Variants in LHFPL1 observed in about 807,000 individuals in gnomAD.
The protein encoded by LHFPL1 is LHFPL tetraspan subfamily member 1 protein.
Under a neutral mutation model 12.1 loss-of-function variants are expected in LHFPL1, and 4 were observed. The ratio of observed to expected loss-of-function variants is 0.33; its 90% CI spans 0.16 to 0.76. LHFPL1 has a LOEUF of 0.76. Among genes scored for constraint, LHFPL1 ranks in the 30% least tolerant of loss-of-function variants. LHFPL1 has a pLI of 0.61. For missense variants in LHFPL1, 141 were observed against 174.1 expected, an observed-to-expected ratio of 0.81 and a Z score of 1.07; for synonymous variants, 52 against 61.9, an observed-to-expected ratio of 0.84 and a Z score of 0.75.
chrX:112,651,162 C>G (rs1376108041), intron 3 of LHFPL1, among the ~76,000 whole-genome samples: 1 of 111,894 alleles, frequency 8.9e-6, no homozygotes, highest in Non-Finnish European at 1.9e-5. Context: ...AGACTGGGCT[C>G]TCTTCTCTTC....
intron 3 of LHFPL1, among the ~76,000 whole-genome samples, chrX:112,649,107 T>G (rs961415743): frequency 1.4e-4 from 16 of 112,390 alleles, no homozygotes; most frequent in African/African-American, 5.2e-4. Context: ...TTATTATACT[T>G]TAAGTTTTAG....
intron 3 of LHFPL1, among the ~76,000 whole-genome samples, chrX:112,636,600 C>CA (rs768313803): frequency 9.0e-6 from 1 of 111,568 alleles, no homozygotes. Flanking sequence ...TATGTTACCC[C>CA]ATGGAAGGCA....
chrX:112,659,339 A>G (rs911156970), intron 3 of LHFPL1, among the ~76,000 whole-genome samples: 4 of 111,286 alleles, frequency 3.6e-5, no homozygotes, highest in Admixed American at 9.5e-5. Context: ...GCGAGCCTGT[A>G]GTCCCAGCCA....
chrX:112,678,529 T>C (rs1931716606), intron 1 of LHFPL1, among the ~76,000 whole-genome samples: 1 of 112,093 alleles, frequency 8.9e-6, no homozygotes, highest in Non-Finnish European at 1.9e-5. Context: ...CTCCATTGTA[T>C]AAGCTGGGAA....
At chrX:112,636,307 C>A (rs757148062) in intron 3 of LHFPL1, among the ~76,000 whole-genome samples, 32 of 111,330 alleles carry the variant, frequency 2.9e-4, no homozygotes, top group South Asian at 7.7e-4. Context: ...GAGAGAGTTA[C>A]CAGAGGTCAC....
chrX:112,641,404 AGACT>A (rs1442673883), intron 3 of LHFPL1, among the ~76,000 whole-genome samples: 11 of 112,159 alleles, frequency 9.8e-5, no homozygotes, highest in African/African-American at 3.6e-4. Context: ...GAGAAAATAG[AGACT>A]GAGCCCAGGT....
At chrX:112,633,331 C>T (rs1930244468) in intron 3 of LHFPL1, among the ~76,000 whole-genome samples, 2 of 112,135 alleles carry the variant, frequency 1.8e-5, no homozygotes, top group South Asian at 7.4e-4. Flanking sequence ...GAAAAACCAG[C>T]GAATATAGTA....
chrX:112,669,952 C>T (rs183188525), intron 2 of LHFPL1, among the ~76,000 whole-genome samples: 2 of 111,702 alleles, frequency 1.8e-5, no homozygotes, highest in Non-Finnish European at 3.8e-5. Flanking sequence ...AAGATCAGAT[C>T]TGGGCTATAT....
intron 3 of LHFPL1, among the ~76,000 whole-genome samples, chrX:112,655,606 T>C (rs1930976175): frequency 8.9e-6 from 1 of 111,919 alleles, no homozygotes; most frequent in Admixed American, 9.5e-5. Flanking sequence ...ACCTTCTTCA[T>C]CTCTCTGAAC....
At chrX:112,662,207 T>C (rs952410075) in intron 2 of LHFPL1, among the ~76,000 whole-genome samples, 1 of 112,447 alleles carries the variant, frequency 8.9e-6, no homozygotes, top group Non-Finnish European at 1.9e-5. Flanking sequence ...ACACTTGTCA[T>C]GAATGTGGAC....
intron 3 of LHFPL1, among the ~76,000 whole-genome samples, chrX:112,638,053 T>C (rs1311440528): frequency 9.0e-6 from 1 of 111,610 alleles, no homozygotes; most frequent in Admixed American, 9.5e-5. Flanking sequence ...ATGTGAATAG[T>C]TCAAGGGTGT....
Position 112,676,758 on chromosome X carries a change from A to G in LHFPL1, c.-15+3071T>C, listed in dbSNP as rs1375721119. ...GAACTCTAGGAAAGGGAAATCTATAATATCTCTTAGTAGCTTAACAACTCT... is the reference window on the plus strand; with the variant it reads ...GAACTCTAGGAAAGGGAAATCTATAGTATCTCTTAGTAGCTTAACAACTCT... On this transcript the variant is annotated intron_variant, in intron 1 of 3. Coordinates refer to ENST00000371968, the MANE Select transcript of LHFPL1 (RefSeq NM_178175.4). 1.1e-4 allele frequency among the ~76,000 whole-genome samples: 12 copies of G among 112,056 alleles called. No homozygotes were observed. In the Admixed American group the frequency reaches 1.1e-3, roughly 11 times the overall value.
chrX:112,678,060 G>A (rs1272445616), intron 1 of LHFPL1, among the ~76,000 whole-genome samples: 1 of 110,717 alleles, frequency 9.0e-6, no homozygotes, highest in Non-Finnish European at 1.9e-5. Flanking sequence ...CAGAGACTAA[G>A]TGGAGAGAAA....
chrX:112,631,260 T>A lies in LHFPL1; in HGVS notation c.*160A>T. On this transcript the variant is annotated 3_prime_UTR_variant, in exon 4 of 4. Coordinates refer to ENST00000371968, the MANE Select transcript of LHFPL1 (RefSeq NM_178175.4). ...ATTTTATAAACAGCCAGTGACCTACTGGCTTAAAGATAAGTGAAAATGAAC... is the reference window on the plus strand; with the variant it reads ...ATTTTATAAACAGCCAGTGACCTACAGGCTTAAAGATAAGTGAAAATGAAC... The A allele has an allele frequency of 4.9e-6, 2 of 406,223 alleles. No homozygotes were observed. Among genetic ancestry groups the A allele is most frequent in the Non-Finnish European group, 8.3e-6 (2 of 239,867 alleles). 33.5% of individuals were successfully genotyped at this position (406,223 alleles called of 1,213,427 possible).
At chrX:112,669,455 A>C (rs191263397) in intron 2 of LHFPL1, among the ~76,000 whole-genome samples, 9 of 112,575 alleles carry the variant, frequency 8.0e-5, no homozygotes, top group African/African-American at 2.9e-4. Context: ...TGTGGCTAAA[A>C]ACCCATCAGT....
Position 112,657,810 on chromosome X carries a change from G to A in LHFPL1, c.481+2817C>T, listed in dbSNP as rs758776177. Among the ~76,000 whole-genome samples the A allele has an allele frequency of 2.8e-5, 3 of 107,239 alleles. No individual in the cohort carries two copies. In the South Asian group the frequency reaches 1.2e-3, roughly 43 times the overall value. The allele number at this position is 107,239 out of a possible 115,157, so 93.1% of individuals were successfully genotyped here. A position where few individuals can be genotyped will look rare whatever the true frequency, so the allele number is the denominator to read the frequency against. On this transcript the variant is annotated intron_variant, in intron 3 of 3. Coordinates refer to ENST00000371968, the MANE Select transcript of LHFPL1 (RefSeq NM_178175.4). ...AAACAGAACAAAGGCCTAACTATAA[G>A]AGCTAAAATTATAAAACTCTTAGAG...
chrX:112,645,396 C>A (rs751547355), intron 3 of LHFPL1, among the ~76,000 whole-genome samples: 1 of 111,527 alleles, frequency 9.0e-6, no homozygotes, highest in Admixed American at 9.5e-5. Flanking sequence ...GTACTGGGAA[C>A]ATTTTTATTT....
At chrX:112,651,128 T>A (rs991499104) in intron 3 of LHFPL1, among the ~76,000 whole-genome samples, 1 of 112,133 alleles carries the variant, frequency 8.9e-6, no homozygotes, top group African/African-American at 3.2e-5. Context: ...CCAATCTTTA[T>A]ACATGAAGAA....
chrX:112,644,250 ACTTT>A (rs1930618371), intron 3 of LHFPL1, among the ~76,000 whole-genome samples: 1 of 111,471 alleles, frequency 9.0e-6, no homozygotes, highest in Non-Finnish European at 1.9e-5. Flanking sequence ...GGTGGGTATT[ACTTT>A]CTTTTTTTTT....
Sources: gnomAD v4.1 joint callset for allele counts (sites outside exome capture counted in the v4.1 genomes callset) on GRCh38, gnomAD v4.1.1 for gene constraint, MANE v1.5 for transcripts, NCBI Gene and HGNC (gene_info 2026-07-23, HGNC 2026-07-21) for gene names.